ZNF69: variants seen among roughly 807,000 people sequenced by gnomAD.
ZNF69 encodes ZNF3.
A neutral mutation model predicts 50.9 loss-of-function variants in ZNF69; 47 were observed. The observed-to-expected ratio is 0.92, with a 90% confidence interval of 0.73 to 1.18. The LOEUF (loss-of-function observed/expected upper bound fraction) is 1.18. Among genes scored for constraint, ZNF69 ranks in the 50% most tolerant of loss-of-function variants. The pLI is 0.00. For missense variants in ZNF69, 717 were observed against 675.1 expected (o/e 1.06, Z -0.69); for synonymous variants, 216 against 223.1 (o/e 0.97, Z 0.29).
chr19:11,891,791 C>T (rs550234822), intron 1 of ZNF69, among the ~76,000 whole-genome samples: 15 of 152,188 alleles, frequency 9.9e-5, no homozygotes, highest in Non-Finnish European at 1.8e-4. Context: ...TCATGGGAAA[C>T]TTTATGATCA....
At chr19:11,900,250 GCC>G (rs1271895373) in intron 1 of ZNF69, among the ~76,000 whole-genome samples, 2 of 152,052 alleles carry the variant, frequency 1.3e-5, no homozygotes, top group Non-Finnish European at 2.9e-5. Flanking sequence ...ACTGCACCCG[GCC>G]TGTTTTCATT....
chr19:11,964,294 G>T, the ZNF69 span, among the ~76,000 whole-genome samples: 1 of 152,212 alleles, frequency 6.6e-6, no homozygotes, highest in Non-Finnish European at 1.5e-5. Context: ...TTCTGGTGTT[G>T]TACCTCTGGA....
At chr19:11,978,024 C>T in the ZNF69 span, 2 of 1,489,962 alleles carry the variant, frequency 1.3e-6, no homozygotes, top group Admixed American at 2.2e-5. Context: ...AAGCCTACAC[C>T]TTGATGGACC....
At chr19:11,966,973 G>A in the ZNF69 span, among the ~76,000 whole-genome samples, 8 of 152,234 alleles carry the variant, frequency 5.3e-5, no homozygotes, top group South Asian at 1.2e-3. Context: ...ACCCCAAGAG[G>A]GTTCTTGGAT....
the ZNF69 span, chr19:11,948,371 A>C: frequency 6.2e-7 from 1 of 1,614,002 alleles, no homozygotes; most frequent in Non-Finnish European, 8.5e-7. Flanking sequence ...AACTTCCAGG[A>C]GAAGAAAGCT....
the ZNF69 span, among the ~76,000 whole-genome samples, chr19:11,938,130 A>T: frequency 6.6e-6 from 1 of 151,342 alleles, no homozygotes; most frequent in Non-Finnish European, 1.5e-5. Context: ...GTGCAGTGGC[A>T]TGATCTTGGC....
the ZNF69 span, chr19:11,965,175 T>C: frequency 3.7e-6 from 6 of 1,613,890 alleles, no homozygotes; most frequent in East Asian, 1.1e-4. Flanking sequence ...ACAGGAGCTG[T>C]AGAGAGGACC....
At chr19:11,924,194 G>A in the ZNF69 span, among the ~76,000 whole-genome samples, 3 of 151,852 alleles carry the variant, frequency 2.0e-5, no homozygotes, top group African/African-American at 4.8e-5. Context: ...GCACTTTGCG[G>A]GGCCGAGGCG....
At chr19:11,947,648 T>C in the ZNF69 span, 1 of 1,338,902 alleles carries the variant, frequency 7.5e-7, no homozygotes, top group South Asian at 1.3e-5. Flanking sequence ...TGAAGAGAAG[T>C]AAAACAAAGA....
At chr19:11,896,643 C>A (rs1439946469) in intron 1 of ZNF69, among the ~76,000 whole-genome samples, 2 of 152,052 alleles carry the variant, frequency 1.3e-5, no homozygotes, top group Non-Finnish European at 2.9e-5. Flanking sequence ...GTCATCTAAT[C>A]CTAATTACTT....
chr19:11,964,913 G>C, the ZNF69 span: 3 of 414,568 alleles, frequency 7.2e-6, no homozygotes, highest in South Asian at 5.1e-5. Flanking sequence ...TGGCTCTGCC[G>C]GGCCTGATAC....
the ZNF69 span, chr19:11,978,241 G>T: frequency 1.2e-6 from 2 of 1,614,050 alleles, no homozygotes; most frequent in Non-Finnish European, 1.7e-6. Flanking sequence ...GCAAAATCAT[G>T]TGATAACTTT....
chr19:11,914,386 C>A (rs1034277202), downstream of ZNF69: 4 of 151,852 alleles, frequency 2.6e-5, no homozygotes, highest in African/African-American at 9.7e-5. Context: ...CTGTTTTTGC[C>A]TTACTTATTC....
the ZNF69 span, chr19:11,976,824 A>G: frequency 7.3e-7 from 1 of 1,373,980 alleles, no homozygotes; most frequent in Non-Finnish European, 9.4e-7. Flanking sequence ...ATTATACTCC[A>G]GCCTGGGCAA....
At chr19:11,974,078 TTTC>T in the ZNF69 span, among the ~76,000 whole-genome samples, 2 of 62,714 alleles carry the variant, frequency 3.2e-5, no homozygotes, top group Non-Finnish European at 6.3e-5. Flanking sequence ...CTTTTCTTTC[TTTC>T]TTTCTTTCTT....
chr19:11,967,820 G>A, the ZNF69 span, among the ~76,000 whole-genome samples: 3 of 152,146 alleles, frequency 2.0e-5, no homozygotes, highest in Admixed American at 2.0e-4. Context: ...GTTATGTAGG[G>A]GTCTTGTCTA....
the ZNF69 span, among the ~76,000 whole-genome samples, chr19:11,919,606 T>C: frequency 2.6e-5 from 4 of 152,192 alleles, no homozygotes; most frequent in South Asian, 8.3e-4. Context: ...ACAAAACTTA[T>C]ACTTGCAAGC....
the ZNF69 span, among the ~76,000 whole-genome samples, chr19:11,923,858 A>C: frequency 6.6e-6 from 1 of 152,278 alleles, no homozygotes; most frequent in East Asian, 1.9e-4. Context: ...CACGTTGAGG[A>C]CAGTCTCTGC....
At chr19:11,891,192 G>A (rs1398356284) in intron 1 of ZNF69, among the ~76,000 whole-genome samples, 3 of 151,990 alleles carry the variant, frequency 2.0e-5, no homozygotes, top group South Asian at 4.2e-4. Flanking sequence ...TTGGGAGGCC[G>A]AGGCAGGAGG....
Sources: allele counts gnomAD v4.1 joint callset (sites outside exome capture counted in the v4.1 genomes callset), GRCh38; gene constraint gnomAD v4.1.1; transcripts MANE v1.5; gene names NCBI Gene and HGNC (gene_info 2026-07-23, HGNC 2026-07-21).